Variants in GCNT1 observed in about 807,000 individuals in gnomAD.
The protein encoded by GCNT1 is glucosaminyl (N-acetyl) transferase 1, also known as beta-1,3-galactosyl-O-glycosyl-glycoprotein beta-1,6-N-acetylglucosaminyltransferase.
A neutral mutation model predicts 26.2 loss-of-function variants in GCNT1; 16 were observed. That is an observed-to-expected ratio of 0.61 (90% CI 0.41 to 0.93). The LOEUF (loss-of-function observed/expected upper bound fraction) is 0.93. GCNT1 is among the 40% of genes least tolerant of loss of function. The pLI is 0.00. For missense variants in GCNT1, 477 were observed against 526.7 expected, an observed-to-expected ratio of 0.91 and a Z score of 0.92; for synonymous variants, 183 against 190.8, an observed-to-expected ratio of 0.96 and a Z score of 0.34.
At chr9:76,485,736 C>CTT (rs34832618) in intron 2 of GCNT1, among the ~76,000 whole-genome samples, 4 of 146,780 alleles carry the variant, frequency 2.7e-5, no homozygotes, top group African/African-American at 5.0e-5. Context: ...CTGTCTCTTC[C>CTT]TTTTTTTTTT....
At chr9:76,407,234 T>C in the GCNT1 span, among the ~76,000 whole-genome samples, 2 of 152,034 alleles carry the variant, frequency 1.3e-5, no homozygotes, top group Non-Finnish European at 2.9e-5. Context: ...ATTTCTAAAA[T>C]AGGATTTATA....
upstream of GCNT1, among the ~76,000 whole-genome samples, chr9:76,457,772 T>C (rs1289175992): frequency 6.6e-6 from 1 of 152,208 alleles, no homozygotes; most frequent in Admixed American, 6.5e-5. Flanking sequence ...CTAATCTACT[T>C]GCTCTTAACA....
rs1825236351 is a variant in GCNT1 at position 76,506,300 on chromosome 9, A to G, written c.*2632A>G. On this transcript the variant is annotated 3_prime_UTR_variant, in exon 4 of 4. Coordinates refer to ENST00000376730, the MANE Select transcript of GCNT1 (RefSeq NM_001490.5). Reference sequence around the variant, plus strand: ...CACAAATTAGAAGTCAAACATGGCCAGGCACAGTGGCTCACACCTGTAATC... The same window carrying G: ...CACAAATTAGAAGTCAAACATGGCCGGGCACAGTGGCTCACACCTGTAATC... 6.0e-6 allele frequency: 1 copy of G among 167,044 alleles called. No individual in the cohort carries two copies. Among genetic ancestry groups the G allele is most frequent in the Non-Finnish European group, 1.5e-5 (1 of 68,104 alleles). 10.3% of individuals were successfully genotyped at this position (167,044 alleles called of 1,614,324 possible).
At chr9:76,453,457 C>A (rs1292693088) in intron 1 of GCNT1, among the ~76,000 whole-genome samples, 1 of 152,122 alleles carries the variant, frequency 6.6e-6, no homozygotes, top group African/African-American at 2.4e-5. Context: ...TCTAGGTTAC[C>A]TTTAGTAAAT....
At chr9:76,398,942 A>C in the GCNT1 span, 2,620 of 1,518,934 alleles carry the variant, frequency 1.7e-3, 4 homozygotes, top group Non-Finnish European at 2.2e-3. Context: ...CTCCAGGAAT[A>C]CTGGCCAGAG....
At chr9:76,450,805 G>A (rs1306925220) in intron 1 of GCNT1, among the ~76,000 whole-genome samples, 1 of 151,978 alleles carries the variant, frequency 6.6e-6, no homozygotes, top group African/African-American at 2.4e-5. Flanking sequence ...ATATTTTCTA[G>A]TTTGTTGACT....
At chr9:76,430,454 T>C (rs1453612426) in intron 1 of GCNT1, among the ~76,000 whole-genome samples, 2 of 152,056 alleles carry the variant, frequency 1.3e-5, no homozygotes, top group Non-Finnish European at 2.9e-5. Context: ...GGATCATGGC[T>C]CCCTGCATCC....
rs1296512847 is a variant in GCNT1, at chr9:76,503,398, C to T, written c.1017C>T (p.Ser339=). The change falls in exon 4 of 4, where the codon AGC becomes AGT. Residue 339 remains serine, a synonymous_variant. Coordinates refer to ENST00000376730, the MANE Select transcript of GCNT1 (RefSeq NM_001490.5). The part of the protein sequence containing the change: ...IPEVPGSLPA[S]HKYDLSDMQA... ...AAGTCCCGGGCTCACTCCCTGCCAGCCATAAGTATGATCTGTCTGACATGC... is the reference window on the plus strand; with the variant it reads ...AAGTCCCGGGCTCACTCCCTGCCAGTCATAAGTATGATCTGTCTGACATGC... 6.2e-7 allele frequency: 1 copy of T among 1,613,998 alleles called. No homozygotes were observed. Among genetic ancestry groups the T allele is most frequent in the African/African-American group, 1.3e-5 (1 of 74,890 alleles).
At chr9:76,428,157 T>C (rs1389426167) in intron 1 of GCNT1, among the ~76,000 whole-genome samples, 1 of 151,008 alleles carries the variant, frequency 6.6e-6, no homozygotes, top group Non-Finnish European at 1.5e-5. Flanking sequence ...TCCCAGCTAC[T>C]CAGGAGGCTG....
intron 2 of GCNT1, among the ~76,000 whole-genome samples, chr9:76,479,432 C>T (rs1399416605): frequency 1.3e-5 from 2 of 152,206 alleles, no homozygotes; most frequent in Non-Finnish European, 2.9e-5. Context: ...TGAGGAATCG[C>T]CACACTGTCT....
At chr9:76,489,839 G>C (rs1409783208) in intron 2 of GCNT1, among the ~76,000 whole-genome samples, 1 of 152,162 alleles carries the variant, frequency 6.6e-6, no homozygotes, top group Non-Finnish European at 1.5e-5. Flanking sequence ...AAGAGGCCCT[G>C]CAGTTGTAGT....
the GCNT1 span, among the ~76,000 whole-genome samples, chr9:76,411,832 G>C: frequency 6.6e-6 from 1 of 151,072 alleles, no homozygotes; most frequent in East Asian, 1.9e-4. Flanking sequence ...TTCCTGAGTA[G>C]CTGGGACTAC....
intron 1 of GCNT1, among the ~76,000 whole-genome samples, chr9:76,449,722 G>C (rs1823634299): frequency 6.6e-6 from 1 of 152,138 alleles, no homozygotes; most frequent in Admixed American, 6.6e-5. Flanking sequence ...ACCTCTTTGG[G>C]ATTTTCACTT....
rs1222472546 is a variant in GCNT1, at chr9:76,506,748, T to C, written c.*3080T>C. The C allele has an allele frequency of 6.0e-6, 1 of 167,070 alleles. No homozygotes were observed. The highest frequency in any genetic ancestry group is 2.4e-5 in the African/African-American group (1 of 41,448). The allele number at this position is 167,070 out of a possible 1,614,324, so 10.3% of individuals were successfully genotyped here. A position where few individuals can be genotyped will look rare whatever the true frequency, so the allele number is the denominator to read the frequency against. Reference sequence around the variant, plus strand: ...CTTGAAAATGGAGTGTTGTTGTTTCTAAACATATATTTATGTCATTTATTA... The same window carrying C: ...CTTGAAAATGGAGTGTTGTTGTTTCCAAACATATATTTATGTCATTTATTA... On this transcript the variant is annotated 3_prime_UTR_variant, in exon 4 of 4. Transcript: ENST00000376730.
chr9:76,467,332 T>G (rs189449560), intron 2 of GCNT1, among the ~76,000 whole-genome samples: 7 of 152,180 alleles, frequency 4.6e-5, no homozygotes, highest in East Asian at 3.9e-4. Context: ...GTGAGCCACC[T>G]CACCCAGCCT....
At chr9:76,497,342 A>C (rs1459454685) in intron 2 of GCNT1, among the ~76,000 whole-genome samples, 1 of 151,882 alleles carries the variant, frequency 6.6e-6, no homozygotes, top group Admixed American at 6.6e-5. Flanking sequence ...TTTTCCTTTC[A>C]CCCTTCTGAT....
At chr9:76,481,604 A>G (rs1279967549) in intron 2 of GCNT1, among the ~76,000 whole-genome samples, 1 of 152,062 alleles carries the variant, frequency 6.6e-6, no homozygotes, top group Non-Finnish European at 1.5e-5. Context: ...TAATTTTATC[A>G]CTACCTGTAA....
intron 1 of GCNT1, among the ~76,000 whole-genome samples, chr9:76,433,866 C>T (rs1255676096): frequency 1.3e-5 from 2 of 152,190 alleles, no homozygotes; most frequent in African/African-American, 4.8e-5. Context: ...GACTTCAGCC[C>T]TCAGTTTGTT....
chr9:76,450,783 A>G (rs1823653190), intron 1 of GCNT1, among the ~76,000 whole-genome samples: 1 of 152,182 alleles, frequency 6.6e-6, no homozygotes, highest in Non-Finnish European at 1.5e-5. Flanking sequence ...TTTTGCTTAC[A>G]TACTATTGCA....
Sources: gnomAD v4.1 joint callset for allele counts (sites outside exome capture counted in the v4.1 genomes callset) on GRCh38, gnomAD v4.1.1 for gene constraint, MANE v1.5 for transcripts, NCBI Gene and HGNC (gene_info 2026-07-23, HGNC 2026-07-21) for gene names.